The following ITGA8 variants were observed in gnomAD, a reference collection of about 807,000 sequenced individuals.
The protein encoded by ITGA8 is integrin alpha-8.
A neutral mutation model predicts 142.3 loss-of-function variants in ITGA8; 91 were observed. That is an observed-to-expected ratio of 0.64 (90% CI 0.54 to 0.76). ITGA8 has a LOEUF of 0.76. ITGA8 is among the 30% of genes least tolerant of loss of function. ITGA8 has a pLI of 0.00. For missense variants in ITGA8, 1,406 were observed against 1,327.7 expected, an observed-to-expected ratio of 1.06 and a Z score of -0.92; for synonymous variants, 505 against 485.2, an observed-to-expected ratio of 1.04 and a Z score of -0.54.
chr10:15,684,235 A>G, intron 3 of ITGA8, 108 bp from the exon 4 acceptor site: 1 of 1,196,682 alleles, frequency 8.4e-7, no homozygotes, highest in South Asian at 1.6e-5. Flanking sequence ...GGGTGAATTA[A>G]TTGGCCTCTA....
intron 26 of ITGA8, among the ~76,000 whole-genome samples, chr10:15,551,899 C>T (rs964614349): frequency 6.6e-6 from 1 of 152,034 alleles, no homozygotes; most frequent in African/African-American, 2.4e-5. Flanking sequence ...TTAACAAAAC[C>T]AGATATGGAA....
intron 8 of ITGA8, among the ~76,000 whole-genome samples, chr10:15,667,741 A>G (rs564307841): frequency 1.8e-3 from 276 of 152,162 alleles, no homozygotes; most frequent in African/African-American, 6.4e-3. Flanking sequence ...TTGGTTTCAA[A>G]GAACATCTTT....
chr10:15,524,596 G>C (rs1833132428), intron 28 of ITGA8, among the ~76,000 whole-genome samples: 1 of 152,140 alleles, frequency 6.6e-6, no homozygotes, highest in Non-Finnish European at 1.5e-5. Context: ...AATGGCAATG[G>C]GGCATTCCAT....
At chr10:15,660,345 G>T (rs1426357443) in intron 9 of ITGA8, among the ~76,000 whole-genome samples, 14 of 152,184 alleles carry the variant, frequency 9.2e-5, no homozygotes, top group Admixed American at 9.2e-4. Context: ...GGTCTCATCA[G>T]TTAAGTAGCT....
chr10:15,655,466 T>G, intron 10 of ITGA8, 60 bp from the exon 11 acceptor site: 2 of 1,080,230 alleles, frequency 1.9e-6, no homozygotes, highest in Non-Finnish European at 2.9e-6. Context: ...TGTAGTCATG[T>G]CTCTATTATT....
chr10:15,561,230 T>TAC (rs1197265775), intron 25 of ITGA8, among the ~76,000 whole-genome samples: 6,144 of 93,600 alleles, frequency 0.066, 489 homozygotes, highest in African/African-American at 0.19. Flanking sequence ...TATATATATA[T>TAC]ATATGTATAT....
chr10:15,713,675 C>A (rs756480319), intron 2 of ITGA8, among the ~76,000 whole-genome samples: 1 of 152,084 alleles, frequency 6.6e-6, no homozygotes, highest in Non-Finnish European at 1.5e-5. Flanking sequence ...AAAAACAACC[C>A]TAAGCCAGTT....
chr10:15,694,618 TTTA>T (rs1429321248), intron 2 of ITGA8, among the ~76,000 whole-genome samples: 1 of 135,190 alleles, frequency 7.4e-6, no homozygotes, highest in Non-Finnish European at 1.6e-5. Context: ...GTAAATATAT[TTTA>T]TTTATTAATA....
At chr10:15,633,966 G>C (rs1833727232) in intron 13 of ITGA8, among the ~76,000 whole-genome samples, 1 of 152,168 alleles carries the variant, frequency 6.6e-6, no homozygotes, top group Non-Finnish European at 1.5e-5. Context: ...AATGCTCCCT[G>C]TTCTGCGAAG....
At chr10:15,566,582 G>C (rs1280769167) in intron 25 of ITGA8, among the ~76,000 whole-genome samples, 2 of 152,022 alleles carry the variant, frequency 1.3e-5, no homozygotes, top group Admixed American at 6.5e-5. Context: ...AGGTCGAGGT[G>C]GGTGAATTGC....
chr10:15,595,017 G>A lies in ITGA8; in HGVS notation c.2211+2190C>T, dbSNP rs141896411. On this transcript the variant is annotated intron_variant, in intron 21 of 29. Coordinates refer to ENST00000378076, the MANE Select transcript of ITGA8 (RefSeq NM_003638.3). ...GATCTCATGGCATTGATTTTAAAGC[G>A]CTCTTATTGACCCCACCGTTTAAAA... 4.6e-5 allele frequency among the ~76,000 whole-genome samples: 7 copies of A among 152,044 alleles called. No individual in the cohort carries two copies. The South Asian group carries it at 6.2e-4, about 14-fold the overall frequency.
At chr10:15,520,038 T>C (rs1029290229) in intron 28 of ITGA8, among the ~76,000 whole-genome samples, 1 of 152,220 alleles carries the variant, frequency 6.6e-6, no homozygotes, top group African/African-American at 2.4e-5. Flanking sequence ...GCTAGGCATC[T>C]TGTATTTTAT....
At chr10:15,637,669 G>A (rs976968404) in intron 13 of ITGA8, among the ~76,000 whole-genome samples, 2 of 151,978 alleles carry the variant, frequency 1.3e-5, no homozygotes, top group African/African-American at 4.8e-5. Context: ...ACTGCAGCAT[G>A]CCTGGCCAAT....
chr10:15,542,736 G>C (rs1434725318), intron 27 of ITGA8, among the ~76,000 whole-genome samples: 1 of 152,146 alleles, frequency 6.6e-6, no homozygotes. Flanking sequence ...ACTCGGGAAG[G>C]CCATATAATA....
chr10:15,656,330 A>C (rs531932146), intron 10 of ITGA8, among the ~76,000 whole-genome samples: 3 of 152,240 alleles, frequency 2.0e-5, no homozygotes, highest in African/African-American at 7.2e-5. Context: ...ATGAGTGTAC[A>C]CAGTGTACCA....
chr10:15,658,918 T>G, intron 10 of ITGA8, 81 bp downstream of exon 10: 2 of 955,782 alleles, frequency 2.1e-6, no homozygotes, highest in Non-Finnish European at 3.2e-6. Context: ...ATTTGTCAAA[T>G]GGATGAATAA....
chr10:15,563,957 C>T (rs944033301), intron 25 of ITGA8, among the ~76,000 whole-genome samples: 4 of 151,530 alleles, frequency 2.6e-5, no homozygotes, highest in Non-Finnish European at 5.9e-5. Flanking sequence ...CCAAAGAAAA[C>T]TCTTTAACTT....
intron 9 of ITGA8, among the ~76,000 whole-genome samples, chr10:15,659,882 CTCCTA>C (rs1564396299): frequency 6.6e-6 from 1 of 152,150 alleles, no homozygotes; most frequent in Non-Finnish European, 1.5e-5. Flanking sequence ...ACAGAGAACC[CTCCTA>C]TCATAGATGC....
At chr10:15,591,169 C>T (rs1308115495) in intron 22 of ITGA8, among the ~76,000 whole-genome samples, 1 of 151,954 alleles carries the variant, frequency 6.6e-6, no homozygotes, top group Non-Finnish European at 1.5e-5. Flanking sequence ...ATCTTGCACA[C>T]TAGTATTTGA....
Sources: gnomAD v4.1 joint callset for allele counts (sites outside exome capture counted in the v4.1 genomes callset) on GRCh38, gnomAD v4.1.1 for gene constraint, MANE v1.5 for transcripts, NCBI Gene and HGNC (gene_info 2026-07-23, HGNC 2026-07-21) for gene names.